The following PAPPA2 variants were observed in gnomAD, a reference collection of about 807,000 sequenced individuals.
PAPPA2 encodes the protein pappalysin 2, also known as pappalysin-2.
PAPPA2 carries 86 observed loss-of-function variants against 176.4 expected under a neutral mutation model. The ratio of observed to expected loss-of-function variants is 0.49; its 90% confidence interval spans 0.41 to 0.58. The LOEUF (loss-of-function observed/expected upper bound fraction) is 0.58, where lower values mean the gene tolerates loss of function less well. Ranked by LOEUF, PAPPA2 falls within the 20% of genes least tolerant of loss-of-function variation. The pLI, the probability that PAPPA2 is intolerant of heterozygous loss-of-function variation, is 0.00. For synonymous variants in PAPPA2, 809 were observed against 852.2 expected (o/e 0.95, Z 0.88); for missense variants, 2,073 against 2,256.9 (o/e 0.92, Z 1.65).
intron 1 of PAPPA2, among the ~76,000 whole-genome samples, chr1:176,471,878 A>G (rs1436485087): frequency 1.3e-5 from 2 of 152,162 alleles, no homozygotes; most frequent in African/African-American, 4.8e-5. Flanking sequence ...GAGATTCAGC[A>G]TTTACTCCAG....
intron 17 of PAPPA2, among the ~76,000 whole-genome samples, chr1:176,777,106 G>T (rs913775324): frequency 1.3e-5 from 2 of 152,044 alleles, no homozygotes; most frequent in Admixed American, 1.3e-4. Flanking sequence ...GGAAATAATT[G>T]AGTGATTTCT....
chr1:176,504,670 T>C (rs1572977951), intron 1 of PAPPA2, among the ~76,000 whole-genome samples: 1 of 152,278 alleles, frequency 6.6e-6, no homozygotes, highest in Admixed American at 6.5e-5. Context: ...AATACTGTTT[T>C]CTTACATTTC....
rs951084776 is a variant in PAPPA2 at position 176,792,482 on chromosome 1, G to A, written c.5020+1000G>A. Among the ~76,000 whole-genome samples, 3 of 152,064 alleles carry A rather than the reference G, an allele frequency of 2.0e-5. No individual in the cohort carries two copies. In the South Asian group the frequency reaches 6.2e-4, roughly 32 times the overall value. ...TCAGGGAATTCAGATGCTCCTCTTGGGTGGTATTTCACAAACAGGTTCTCA... is the reference window on the plus strand; with the variant it reads ...TCAGGGAATTCAGATGCTCCTCTTGAGTGGTATTTCACAAACAGGTTCTCA... On this transcript the variant is annotated intron_variant, in intron 19 of 22. Transcript: ENST00000367662.
intron 14 of PAPPA2, among the ~76,000 whole-genome samples, chr1:176,750,760 T>C (rs955362733): frequency 2.0e-5 from 3 of 152,084 alleles, no homozygotes; most frequent in African/African-American, 7.2e-5. Flanking sequence ...GAAGAGAAAA[T>C]ACATTTACAA....
chr1:176,689,889 T>G (rs1231999390), intron 4 of PAPPA2, among the ~76,000 whole-genome samples: 2 of 152,224 alleles, frequency 1.3e-5, no homozygotes, highest in East Asian at 3.8e-4. Flanking sequence ...CTCTCTATTA[T>G]GTCAACATTG....
intron 3 of PAPPA2, among the ~76,000 whole-genome samples, chr1:176,638,006 T>G (rs557220500): frequency 2.2e-4 from 33 of 152,094 alleles, no homozygotes; most frequent in Admixed American, 2.2e-3. Flanking sequence ...CCTTTTCTTT[T>G]TAGTTGAATT....
Position 176,710,144 on chromosome 1 carries a change from G to A in PAPPA2, c.3619G>A (p.Val1207Ile). 1 of 1,613,596 alleles carries A rather than the reference G, an allele frequency of 6.2e-7. No homozygotes were observed. Among genetic ancestry groups the A allele is most frequent in the Non-Finnish European group, 8.5e-7 (1 of 1,179,694 alleles). ...SSHEDKKKCP[V>I]SLVTGEPHSL... ...TCATGAAGACAAGAAGAAGTGTCCT[G>A]TTTCCTTGGTAACTGGAGAACCTCA... The change falls in exon 11 of 23, where the codon GTT becomes ATT. Residue 1207 changes from valine to isoleucine, a missense_variant. This residue lies in a region of PAPPA2 where 846 missense variants were observed against 857.9 expected (regional missense o/e 0.99). Transcript: ENST00000367662.
In PAPPA2 at chr1:176,695,858, G is replaced by A. The variant is rs558719195; in HGVS notation, c.2745G>A (p.Val915=). 3.1e-6 allele frequency: 5 copies of A among 1,613,822 alleles called. No homozygotes were observed. In the South Asian group the frequency reaches 4.4e-5, roughly 14 times the overall value. The change falls in exon 7 of 23, where the codon GTG becomes GTA. Residue 915 remains valine (V), a splice_region_variant and synonymous_variant. Coordinates refer to ENST00000367662, the MANE Select transcript of PAPPA2 (RefSeq NM_020318.3). ...SSGYWTPEEA[V]GPPDVDQPCE... is the part of the protein sequence containing the mutation. ...GTTATTGGACCCCAGAGGAGGCTGT[G>A]GGTAAAGTACCATGACATTTTTTCT...
At chr1:176,561,516 G>T (rs1459003961) in intron 2 of PAPPA2, among the ~76,000 whole-genome samples, 2 of 152,074 alleles carry the variant, frequency 1.3e-5, no homozygotes, top group Non-Finnish European at 2.9e-5. Flanking sequence ...TGAGAATGAT[G>T]GTAAACAGAC....
chr1:176,816,241 G>GTATATATA (rs3039819), intron 21 of PAPPA2, among the ~76,000 whole-genome samples: 2,236 of 113,428 alleles, frequency 0.02, 42 homozygotes, highest in East Asian at 0.025. Context: ...GTGTGTGTGT[G>GTATATATA]TATATATATA....
intron 1 of PAPPA2, among the ~76,000 whole-genome samples, chr1:176,483,460 CTTTTTTTTTTTTTTT>C (rs56705620): frequency 6.2e-5 from 3 of 48,628 alleles, no homozygotes; most frequent in African/African-American, 1.5e-4. Context: ...ACTCAGACAT[CTTTTTTTTTTTTTTT>C]TTTTTTTTTT....
chr1:176,759,649 G>A (rs1663598954), intron 14 of PAPPA2, among the ~76,000 whole-genome samples: 6 of 152,128 alleles, frequency 3.9e-5, no homozygotes, highest in Admixed American at 3.9e-4. Context: ...AGGAACTACT[G>A]AGCTCCCCGA....
At chr1:176,549,903 T>C (rs1231556439) in intron 1 of PAPPA2, among the ~76,000 whole-genome samples, 4 of 152,228 alleles carry the variant, frequency 2.6e-5, no homozygotes, top group Admixed American at 2.6e-4. Flanking sequence ...ACACAGTTCT[T>C]TGAGTTTTGA....
At chr1:176,746,463 G>A (rs1662911899) in intron 14 of PAPPA2, among the ~76,000 whole-genome samples, 1 of 152,058 alleles carries the variant, frequency 6.6e-6, no homozygotes, top group Non-Finnish European at 1.5e-5. Context: ...CTGGAGTGCA[G>A]TGGCTCGATC....
chr1:176,617,671 T>A (rs1387589351), intron 3 of PAPPA2, among the ~76,000 whole-genome samples: 1 of 151,870 alleles, frequency 6.6e-6, no homozygotes, highest in African/African-American at 2.4e-5. Context: ...TATATCACAT[T>A]TTCTTTATCC....
intron 3 of PAPPA2, among the ~76,000 whole-genome samples, chr1:176,603,326 T>A (rs1354603587): frequency 6.6e-6 from 1 of 152,230 alleles, no homozygotes; most frequent in Non-Finnish European, 1.5e-5. Context: ...TGCCTTGGAC[T>A]CTGGTTTGTA....
chr1:176,471,234 G>A (rs1178302238), intron 1 of PAPPA2, among the ~76,000 whole-genome samples: 6 of 152,070 alleles, frequency 3.9e-5, no homozygotes, highest in Non-Finnish European at 7.4e-5. Flanking sequence ...TGCTGCCACC[G>A]GAAGGATGAG....
chr1:176,766,317 C>T (rs1027426973), intron 15 of PAPPA2, among the ~76,000 whole-genome samples: 1 of 152,208 alleles, frequency 6.6e-6, no homozygotes, highest in African/African-American at 2.4e-5. Flanking sequence ...GATTCTCACT[C>T]TGGCCAAATT....
intron 1 of PAPPA2, among the ~76,000 whole-genome samples, chr1:176,551,003 A>T (rs1650915225): frequency 1.3e-5 from 2 of 152,218 alleles, no homozygotes; most frequent in African/African-American, 4.8e-5. Context: ...CAGAGAAGGC[A>T]AAAAAGCTGG....
Sources: allele counts gnomAD v4.1 joint callset (sites outside exome capture counted in the v4.1 genomes callset), GRCh38; gene constraint gnomAD v4.1.1; regional missense constraint gnomAD v4.1.1; transcripts MANE v1.5; gene names NCBI Gene and HGNC (gene_info 2026-07-23, HGNC 2026-07-21).